Variants in ABCB5 observed in about 807,000 individuals in gnomAD.
ABCB5 encodes ATP-binding cassette sub-family B member 5.
Under a neutral mutation model 144.2 loss-of-function variants are expected in ABCB5, and 155 were observed. The observed-to-expected ratio is 1.08, with a 90% CI of 0.94 to 1.23. The LOEUF is 1.23. Among genes scored for constraint, ABCB5 ranks in the 50% most tolerant of loss-of-function variants. ABCB5 has a pLI of 0.00. For synonymous variants in ABCB5, 610 were observed against 528.6 expected (o/e 1.15, Z -2.11); for missense variants, 1,830 against 1,520.8 (o/e 1.20, Z -3.38).
chr7:20,647,500 C>T (rs1784439897), intron 9 of ABCB5, 35 bp from the exon 10 acceptor site: 4 of 1,518,022 alleles, frequency 2.6e-6, no homozygotes, highest in Non-Finnish European at 3.5e-6. Flanking sequence ...TATATAACTG[C>T]AGAAAGATAA....
chr7:20,653,884 C>G (rs1784683271), intron 13 of ABCB5, among the ~76,000 whole-genome samples: 1 of 152,206 alleles, frequency 6.6e-6, no homozygotes, highest in Admixed American at 6.5e-5. Context: ...TGCAGCGCAG[C>G]TGGAATGGAG....
chr7:20,743,463 A>G (rs1782624424), intron 25 of ABCB5, among the ~76,000 whole-genome samples: 1 of 151,756 alleles, frequency 6.6e-6, no homozygotes, highest in Admixed American at 6.6e-5. Context: ...CTTTCCCACC[A>G]CTCATCCCCA....
chr7:20,618,032 T>A (rs59103173), intron 1 of ABCB5, among the ~76,000 whole-genome samples: 9,856 of 152,302 alleles, frequency 0.065, 630 homozygotes, highest in African/African-American at 0.16. Flanking sequence ...TTACCCTTTT[T>A]TGCTAACAGC....
At chr7:20,749,455 C>A (rs547081091) in intron 26 of ABCB5, among the ~76,000 whole-genome samples, 1 of 122,032 alleles carries the variant, frequency 8.2e-6, no homozygotes, top group South Asian at 2.8e-4. Context: ...CCAGGCTGGT[C>A]TCAAACTCCC....
intron 13 of ABCB5, among the ~76,000 whole-genome samples, chr7:20,652,344 G>T (rs1468326668): frequency 6.6e-6 from 1 of 152,190 alleles, no homozygotes; most frequent in Non-Finnish European, 1.5e-5. Context: ...GAGGTGGGCA[G>T]ATCACCTGAG....
intron 6 of ABCB5, 31 bp from the exon 7 acceptor site, chr7:20,643,430 T>C: frequency 1.2e-6 from 2 of 1,613,612 alleles, no homozygotes; most frequent in East Asian, 2.2e-5. Flanking sequence ...GACATGTAAA[T>C]GACCTAACTA....
At chr7:20,698,306 T>G (rs1786493012) in intron 16 of ABCB5, 101 bp from the exon 17 acceptor site, 2 of 1,023,858 alleles carry the variant, frequency 2.0e-6, no homozygotes, top group Non-Finnish European at 2.7e-6. Context: ...GTCTGTTATG[T>G]TTGATGTTAT....
At chr7:20,626,854 GGTGTGTGT>G (rs370537783) in intron 3 of ABCB5, among the ~76,000 whole-genome samples, 117 of 143,722 alleles carry the variant, frequency 8.1e-4, no homozygotes, top group Admixed American at 1.1e-3. Flanking sequence ...GTGTTTTTGG[GGTGTGTGT>G]GTGTGTGTGT....
chr7:20,658,618 A>G lies in ABCB5; in HGVS notation c.1649A>G (p.Glu550Gly), dbSNP rs2128029781. ...VRNPKILILD[E>G]ATSALDSESK... ...AACCCCAAGATTCTGATTTTAGATG[A>G]GGCTACGTCTGCCCTGGATTCAGAA... The change falls in exon 14 of 28, where the codon GAG becomes GGG. Residue 550 changes from glutamate (E) to glycine (G), a missense_variant. Transcript: ENST00000404938. The G allele has an allele frequency of 6.2e-7, 1 of 1,614,184 alleles. No individual in the cohort carries two copies. Among genetic ancestry groups the G allele is most frequent in the Non-Finnish European group, 8.5e-7 (1 of 1,180,026 alleles).
At chr7:20,704,912 C>A in intron 20 of ABCB5, 105 bp downstream of exon 20, 1 of 838,378 alleles carries the variant, frequency 1.2e-6, no homozygotes, top group Non-Finnish European at 1.8e-6. Flanking sequence ...AGATGACCCA[C>A]ATCATTAATG....
rs535444297 is a variant in ABCB5 at position 20,726,079 on chromosome 7, G to A, written c.2626-961G>A. On this transcript the variant is annotated intron_variant, in intron 21 of 27. Transcript: ENST00000404938. ...CAAGCCAACACATGTTCTCATGTCC[G>A]AAAAGCTATTCTAAACCAAAACTCT... 3.3e-5 allele frequency among the ~76,000 whole-genome samples: 5 copies of A among 152,230 alleles called. No individual in the cohort carries two copies. In the South Asian group the frequency reaches 8.3e-4, roughly 25 times the overall value.
chr7:20,721,250 A>C (rs2128049281), intron 20 of ABCB5, among the ~76,000 whole-genome samples: 1 of 152,296 alleles, frequency 6.6e-6, no homozygotes, highest in African/African-American at 2.4e-5. Context: ...TGATTCAGGG[A>C]ACAAAGAGTT....
chr7:20,749,687 T>C (rs1035248974), intron 26 of ABCB5, among the ~76,000 whole-genome samples: 1 of 152,224 alleles, frequency 6.6e-6, no homozygotes, highest in Admixed American at 6.5e-5. Context: ...GATCAACACA[T>C]ACAAATAATT....
At chr7:20,721,770 A>T (rs16881862) in intron 20 of ABCB5, among the ~76,000 whole-genome samples, 5,007 of 152,326 alleles carry the variant, frequency 0.033, 114 homozygotes, top group Middle Eastern at 0.099. Flanking sequence ...AATTTTTTCC[A>T]TTCAAATAGG....
rs1208647908 is a variant in ABCB5 at position 20,673,429 on chromosome 7, ATTTTAG to A, written c.1708-8075_1708-8070del. Among the ~76,000 whole-genome samples, 13 of 152,088 alleles carry A rather than the reference ATTTTAG, an allele frequency of 8.5e-5. 1 individual carries two copies. In the South Asian group the frequency reaches 2.5e-3, roughly 29 times the overall value. ...AATTGTACATATTTTGGTGTCATGT[ATTTTAG>A]AACTGTGTTATTACACACATAAATA... On this transcript the variant is annotated intron_variant, in intron 14 of 27. Transcript: ENST00000404938.
intron 21 of ABCB5, among the ~76,000 whole-genome samples, 199 bp downstream of exon 21, chr7:20,723,418 T>C (rs1338910610): frequency 6.6e-6 from 1 of 152,164 alleles, no homozygotes; most frequent in East Asian, 1.9e-4. Context: ...GTTATAGCAA[T>C]AGGGTACATG....
chr7:20,648,187 C>G (rs1784471603), intron 11 of ABCB5, 109 bp downstream of exon 11: 1 of 702,082 alleles, frequency 1.4e-6, no homozygotes, highest in Admixed American at 2.9e-5. Context: ...AAGATTTTGG[C>G]TACTTTGCTT....
chr7:20,654,114 G>C (rs770586234), intron 13 of ABCB5, among the ~76,000 whole-genome samples: 8 of 152,086 alleles, frequency 5.3e-5, no homozygotes, highest in Non-Finnish European at 8.8e-5. Context: ...AACCTAAAAT[G>C]AAGATTGCAC....
At chr7:20,726,211 C>G (rs1782030245) in intron 21 of ABCB5, among the ~76,000 whole-genome samples, 1 of 152,054 alleles carries the variant, frequency 6.6e-6, no homozygotes, top group African/African-American at 2.4e-5. Context: ...TTCACAGACG[C>G]CAATATGAGA....
Sources: gnomAD v4.1 joint callset for allele counts (sites outside exome capture counted in the v4.1 genomes callset) on GRCh38, gnomAD v4.1.1 for gene constraint, MANE v1.5 for transcripts, NCBI Gene and HGNC (gene_info 2026-07-23, HGNC 2026-07-21) for gene names.